SLC9C1: variants seen among roughly 807,000 people sequenced by gnomAD.
The protein encoded by SLC9C1 is solute carrier family 9 member C1, also known as sodium/hydrogen exchanger 10.
A neutral mutation model predicts 140.9 loss-of-function variants in SLC9C1; 97 were observed. The ratio of observed to expected loss-of-function variants is 0.69; its 90% confidence interval spans 0.58 to 0.82. SLC9C1 has a LOEUF of 0.82. Ranked by LOEUF, SLC9C1 falls within the 40% of genes least tolerant of loss-of-function variation. SLC9C1 has a pLI of 0.00. For missense variants in SLC9C1, 1,340 were observed against 1,389.3 expected (o/e 0.96, Z 0.56); for synonymous variants, 440 against 442.6 (o/e 0.99, Z 0.07).
At chr3:112,198,657 T>C (rs529444800) in intron 20 of SLC9C1, among the ~76,000 whole-genome samples, 40 of 152,180 alleles carry the variant, frequency 2.6e-4, no homozygotes, top group African/African-American at 9.4e-4. Flanking sequence ...TCAAATAGTT[T>C]TTCTTCTTCA....
At chr3:112,168,818 T>C in intron 25 of SLC9C1, 59 bp downstream of exon 25, 1 of 1,419,394 alleles carries the variant, frequency 7.0e-7, no homozygotes, top group Non-Finnish European at 9.5e-7. Flanking sequence ...TTTCTGACGT[T>C]AATACATTGT....
Position 112,168,874 on chromosome 3 carries a change from T to G in SLC9C1, c.3237+3A>C. On this transcript the variant is annotated splice_donor_region_variant and intron_variant, in intron 25 of 28. Coordinates refer to ENST00000305815, the MANE Select transcript of SLC9C1 (RefSeq NM_183061.3). ...CTGAAGACAGGAATCAATATTTCTTTACCTGATGGCATGTTATAGGAATTA... is the reference window on the plus strand; with the variant it reads ...CTGAAGACAGGAATCAATATTTCTTGACCTGATGGCATGTTATAGGAATTA... 3.8e-6 allele frequency: 6 copies of G among 1,575,846 alleles called. No homozygotes were observed. Among genetic ancestry groups the G allele is most frequent in the Non-Finnish European group, 5.1e-6 (6 of 1,166,292 alleles).
chr3:112,265,188 G>C (rs2079883414), intron 8 of SLC9C1, among the ~76,000 whole-genome samples: 1 of 151,938 alleles, frequency 6.6e-6, no homozygotes. Flanking sequence ...TCAATTGTAG[G>C]CTCAATAGTA....
intron 14 of SLC9C1, among the ~76,000 whole-genome samples, chr3:112,217,947 T>C (rs992337490): frequency 6.6e-6 from 1 of 152,154 alleles, no homozygotes; most frequent in Admixed American, 6.5e-5. Flanking sequence ...AAAATAAGGA[T>C]AAAAATACCA....
intron 12 of SLC9C1, among the ~76,000 whole-genome samples, chr3:112,233,833 G>T (rs2078903947): frequency 6.6e-6 from 1 of 152,074 alleles, no homozygotes. Context: ...TGGCTGCATA[G>T]TATTCCATGG....
At chr3:112,148,711 T>A (rs542622537) in intron 28 of SLC9C1, among the ~76,000 whole-genome samples, 39 of 152,330 alleles carry the variant, frequency 2.6e-4, no homozygotes, top group Admixed American at 4.6e-4. Context: ...GGCAATGGGC[T>A]AATTCCTAAT....
intron 10 of SLC9C1, among the ~76,000 whole-genome samples, chr3:112,250,078 A>T (rs1476370827): frequency 7.4e-6 from 1 of 134,996 alleles, no homozygotes; most frequent in African/African-American, 2.9e-5. Context: ...CCACCCCACA[A>T]CAGTCCCCAG....
chr3:112,248,403 A>G (rs2079353591), intron 10 of SLC9C1, among the ~76,000 whole-genome samples: 1 of 152,176 alleles, frequency 6.6e-6, no homozygotes, highest in Admixed American at 6.5e-5. Context: ...GTTTCAAGCC[A>G]CTGAATTTTG....
chr3:112,240,849 C>G (rs144242623), intron 11 of SLC9C1, among the ~76,000 whole-genome samples: 1 of 152,208 alleles, frequency 6.6e-6, no homozygotes, highest in African/African-American at 2.4e-5. Flanking sequence ...AAGATCATTA[C>G]GTTAAGTGAA....
At chr3:112,185,891 C>T (rs964021064) in intron 20 of SLC9C1, 36 of 1,585,602 alleles carry the variant, frequency 2.3e-5, no homozygotes, top group Non-Finnish European at 2.6e-5. Flanking sequence ...GCAGGGGGCT[C>T]TCAGCCACCA....
intron 12 of SLC9C1, among the ~76,000 whole-genome samples, chr3:112,235,573 C>T (rs1255597620): frequency 6.6e-5 from 10 of 151,320 alleles, no homozygotes; most frequent in African/African-American, 2.4e-4. Flanking sequence ...GGGAATGCTT[C>T]CAGTTTTTGC....
chr3:112,141,349 C>T, intron 28 of SLC9C1, 68 bp from the exon 29 acceptor site: 1 of 1,509,660 alleles, frequency 6.6e-7, no homozygotes, highest in Non-Finnish European at 8.9e-7. Flanking sequence ...TGACTTACAA[C>T]CCAGAATAGG....
intron 13 of SLC9C1, among the ~76,000 whole-genome samples, chr3:112,229,523 G>A (rs2078765793): frequency 6.6e-6 from 1 of 151,826 alleles, no homozygotes; most frequent in African/African-American, 2.4e-5. Flanking sequence ...TTTCATATTA[G>A]AATAAAATAT....
At chr3:112,251,233 A>G (rs1407641854) in intron 10 of SLC9C1, among the ~76,000 whole-genome samples, 1 of 152,104 alleles carries the variant, frequency 6.6e-6, no homozygotes, top group East Asian at 1.9e-4. Flanking sequence ...GAGAACAAGG[A>G]AAATCAAGGC....
chr3:112,263,219 T>G, intron 9 of SLC9C1, 121 bp from the exon 10 acceptor site: 1 of 776,194 alleles, frequency 1.3e-6, no homozygotes, highest in South Asian at 2.7e-5. Flanking sequence ...TGAGACATCT[T>G]TCACACACTG....
At position 112,208,217 on chromosome 3, in the gene SLC9C1, GTAGT is replaced by G. The variant is rs1318245663; in HGVS notation, c.1943_1946del (p.Asn648ThrfsTer9). The stretch of plus-strand genomic sequence containing the variant: ...CTAGAATATAAAGTGTAAGAAAACA[GTAGT>G]TAGTGTGTTTTAATTCGCTGTGGTA... On this transcript the variant is annotated frameshift_variant, in exon 16 of 29. Coordinates refer to ENST00000305815, the MANE Select transcript of SLC9C1 (RefSeq NM_183061.3). LOFTEE classifies it high-confidence loss of function. The G allele has an allele frequency of 2.5e-6, 4 of 1,609,974 alleles. No individual in the cohort carries two copies. The highest frequency in any genetic ancestry group is 3.4e-6 in the Non-Finnish European group (4 of 1,178,502).
At chr3:112,158,591 T>C (rs538294579) in intron 26 of SLC9C1, among the ~76,000 whole-genome samples, 100 of 152,144 alleles carry the variant, frequency 6.6e-4, no homozygotes, top group African/African-American at 2.2e-3. Context: ...TTAAGTAGAA[T>C]TGATATTAGT....
intron 13 of SLC9C1, among the ~76,000 whole-genome samples, chr3:112,224,090 C>T (rs73853366): frequency 0.054 from 8,252 of 152,254 alleles, 267 homozygotes; most frequent in South Asian, 0.089. Flanking sequence ...GATCCTGGTT[C>T]TCTACCCATG....
intron 12 of SLC9C1, among the ~76,000 whole-genome samples, chr3:112,236,417 C>A (rs1418899196): frequency 6.6e-6 from 1 of 152,124 alleles, no homozygotes; most frequent in African/African-American, 2.4e-5. Context: ...TTTCAAAAAA[C>A]CAGCTCCTGG....
Sources: gnomAD v4.1 joint callset for allele counts (sites outside exome capture counted in the v4.1 genomes callset) on GRCh38, gnomAD v4.1.1 for gene constraint, MANE v1.5 for transcripts, NCBI Gene and HGNC (gene_info 2026-07-23, HGNC 2026-07-21) for gene names.